Variants in TAMM41 observed in about 807,000 individuals in gnomAD.
TAMM41 encodes the protein phosphatidate cytidylyltransferase, mitochondrial.
TAMM41 carries 36 observed loss-of-function variants against 44.1 expected under a neutral mutation model. The observed-to-expected ratio is 0.82, with a 90% confidence interval of 0.63 to 1.08. The LOEUF is 1.08. Among genes scored for constraint, TAMM41 ranks in the 50% least tolerant of loss-of-function variants. The probability of loss-of-function intolerance (pLI) is 0.00; values close to 1 mark genes in which losing one functional copy is unlikely to be tolerated. For missense variants in TAMM41, 417 were observed against 404.3 expected, an observed-to-expected ratio of 1.03 and a Z score of -0.27; for synonymous variants, 164 against 153.1, an observed-to-expected ratio of 1.07 and a Z score of -0.53.
chr3:11,723,453 G>T, the TAMM41 span, among the ~76,000 whole-genome samples: 1 of 151,966 alleles, frequency 6.6e-6, no homozygotes. Flanking sequence ...GGTGGCACAT[G>T]CCTGTAAGTC....
the TAMM41 span, among the ~76,000 whole-genome samples, chr3:11,774,407 A>G: frequency 6.6e-6 from 1 of 152,172 alleles, no homozygotes; most frequent in East Asian, 1.9e-4. Flanking sequence ...GCCTGCCAAT[A>G]AGAGCAGTGA....
chr3:11,805,426 C>T (rs1276175556), intron 7 of TAMM41, among the ~76,000 whole-genome samples: 4 of 152,080 alleles, frequency 2.6e-5, no homozygotes, highest in East Asian at 1.9e-4. Flanking sequence ...TGTGAGCCAC[C>T]GCATCTGGCC....
At position 11,846,705 on chromosome 3, in the gene TAMM41, G is replaced by A; in HGVS notation, c.-69C>T. 3.1e-6 allele frequency: 5 copies of A among 1,604,466 alleles called. No homozygotes were observed. Among genetic ancestry groups the A allele is most frequent in the South Asian group, 1.1e-5 (1 of 90,310 alleles). The stretch of plus-strand genomic sequence containing the variant: ...ACAACCGGGCGGGGAACAGACACCG[G>A]GTAGGCGGTTTAGGGTGGGAAATGG... On this transcript the variant is annotated 5_prime_UTR_variant, in exon 1 of 8. Coordinates refer to ENST00000455809, the MANE Select transcript of TAMM41 (RefSeq NM_001284401.2).
chr3:11,833,530 A>C (rs2079065395), intron 3 of TAMM41, among the ~76,000 whole-genome samples: 1 of 152,168 alleles, frequency 6.6e-6, no homozygotes, highest in South Asian at 2.1e-4. Context: ...CTTAAGGATG[A>C]AGAAGAAACG....
At chr3:11,825,460 T>A (rs549728220) in intron 4 of TAMM41, among the ~76,000 whole-genome samples, 3 of 152,282 alleles carry the variant, frequency 2.0e-5, no homozygotes, top group African/African-American at 7.2e-5. Context: ...GATGGCTTCA[T>A]CACCACAGAA....
chr3:11,799,747 C>G (rs945858282), intron 7 of TAMM41, among the ~76,000 whole-genome samples: 1 of 152,096 alleles, frequency 6.6e-6, no homozygotes, highest in Admixed American at 6.6e-5. Context: ...CCAATGACCC[C>G]CAGGTGAATA....
In TAMM41 at chr3:11,841,975, C is replaced by T. The variant is rs1440736302; in HGVS notation, c.318+2054G>A. Among the ~76,000 whole-genome samples, 4 of 152,188 alleles carry T rather than the reference C, an allele frequency of 2.6e-5. 1 individual carries two copies. The highest frequency in any genetic ancestry group is 2.0e-4 in the Admixed American group (3 of 15,276). ...TGGCCCAAGGGGTATGCAGACGTCA[C>T]CAGTCAATCACAACACTCACTCCTT... is the stretch of plus-strand genomic sequence containing the variant. On this transcript the variant is annotated intron_variant, in intron 2 of 7. Transcript: ENST00000455809.
chr3:11,810,965 T>C (rs1473645610), intron 5 of TAMM41: 1 of 151,906 alleles, frequency 6.6e-6, no homozygotes, highest in Non-Finnish European at 1.5e-5. Flanking sequence ...TTCTGTCTAC[T>C]TGGGAGGCTG....
the TAMM41 span, among the ~76,000 whole-genome samples, chr3:11,751,517 G>A: frequency 3.9e-5 from 6 of 152,148 alleles, no homozygotes; most frequent in Admixed American, 6.6e-5. Context: ...AGAGCCTGCC[G>A]TGCTGGGGCC....
intron 3 of TAMM41, among the ~76,000 whole-genome samples, chr3:11,834,410 C>T (rs2079096362): frequency 6.6e-6 from 1 of 151,924 alleles, no homozygotes; most frequent in Admixed American, 6.6e-5. Flanking sequence ...ATGTAAAATA[C>T]AAAAATCCAA....
the TAMM41 span, among the ~76,000 whole-genome samples, chr3:11,749,978 A>G: frequency 3.3e-5 from 5 of 149,788 alleles, no homozygotes; most frequent in African/African-American, 1.2e-4. Context: ...GCTCACTGCA[A>G]GCTCCACCTC....
the TAMM41 span, among the ~76,000 whole-genome samples, chr3:11,732,634 G>C: frequency 2.6e-5 from 4 of 152,206 alleles, no homozygotes; most frequent in Non-Finnish European, 5.9e-5. Flanking sequence ...GACGGGTTGT[G>C]ACAGCAGAAT....
chr3:11,837,910 C>T (rs1357628944), intron 3 of TAMM41, among the ~76,000 whole-genome samples: 1 of 152,148 alleles, frequency 6.6e-6, no homozygotes, highest in Non-Finnish European at 1.5e-5. Flanking sequence ...GGACTGTGAC[C>T]CGGCTTCTAC....
At chr3:11,794,625 C>G (rs1270069715) in intron 7 of TAMM41, among the ~76,000 whole-genome samples, 1 of 152,200 alleles carries the variant, frequency 6.6e-6, no homozygotes, top group Non-Finnish European at 1.5e-5. Flanking sequence ...TAGAAGCATG[C>G]AGAAAGCTAT....
chr3:11,777,820 C>T, the TAMM41 span, among the ~76,000 whole-genome samples: 3 of 152,014 alleles, frequency 2.0e-5, no homozygotes, highest in Admixed American at 6.6e-5. Flanking sequence ...GTAAATTCAG[C>T]GTTTTTATTT....
the TAMM41 span, among the ~76,000 whole-genome samples, chr3:11,773,789 T>C: frequency 9.9e-5 from 15 of 152,208 alleles, no homozygotes; most frequent in Non-Finnish European, 1.0e-4. Flanking sequence ...CAATGAGAAA[T>C]AGAAAAGTCA....
chr3:11,753,970 G>A, the TAMM41 span, among the ~76,000 whole-genome samples: 1 of 152,084 alleles, frequency 6.6e-6, no homozygotes, highest in African/African-American at 2.4e-5. Flanking sequence ...TCAGTGCAAG[G>A]GGCGGCCTCG....
At chr3:11,797,088 T>C (rs888389405) in intron 7 of TAMM41, among the ~76,000 whole-genome samples, 2 of 152,206 alleles carry the variant, frequency 1.3e-5, no homozygotes, top group African/African-American at 4.8e-5. Flanking sequence ...AATTTATATA[T>C]TCAAGGCTAT....
chr3:11,826,676 T>C (rs2078765260), intron 4 of TAMM41: 1 of 144,706 alleles, frequency 6.9e-6, no homozygotes, highest in African/African-American at 2.6e-5. Context: ...GGAAATAAAA[T>C]AATGAAAAAC....
Sources: gnomAD v4.1 joint callset for allele counts (sites outside exome capture counted in the v4.1 genomes callset) on GRCh38, gnomAD v4.1.1 for gene constraint, MANE v1.5 for transcripts, NCBI Gene and HGNC (gene_info 2026-07-23, HGNC 2026-07-21) for gene names.